The following TNS1 variants were observed in gnomAD, a reference collection of about 807,000 sequenced individuals.
TNS1 encodes the protein tensin 1, also known as tensin-1.
A neutral mutation model predicts 168.6 loss-of-function variants in TNS1; 62 were observed. That is an observed-to-expected ratio of 0.37 (90% CI 0.30 to 0.45). TNS1 has a LOEUF of 0.45. Among genes scored for constraint, TNS1 ranks in the 20% least tolerant of loss-of-function variants. The pLI, the probability that TNS1 is intolerant of heterozygous loss-of-function variation, is 1.00. For missense variants in TNS1, 2,240 were observed against 2,339.4 expected (o/e 0.96, Z 0.88); for synonymous variants, 934 against 933.2 (o/e 1.00, Z -0.02).
chr2:217,938,100 G>T (rs1956717612), intron 3 of TNS1, among the ~76,000 whole-genome samples: 1 of 152,180 alleles, frequency 6.6e-6, no homozygotes, highest in Non-Finnish European at 1.5e-5. Flanking sequence ...ATAGGGCCAG[G>T]CTGAGCTCAG....
upstream of TNS1, chr2:218,010,442 G>C (rs1019499041): frequency 5.4e-6 from 2 of 371,086 alleles, no homozygotes. Context: ...GAACCCCCAC[G>C]GGGCGCGGGC....
At position 217,817,913 on chromosome 2, in the gene TNS1, G is replaced by A; in HGVS notation, c.4419C>T (p.Ser1473=). The change falls in exon 24 of 33, where the codon TCC becomes TCT. Residue 1473 remains serine (S), a synonymous_variant. Transcript: ENST00000682258. ...YYPGLSSPAT[S]PSPDSAAFRQ... is the part of the protein sequence containing the mutation. Reference sequence around the variant, plus strand: ...GGAAGGCTGCGGAGTCTGGTGACGGGGAGGTGGCAGGGCTGCTCAGGCCAG... The same window carrying A: ...GGAAGGCTGCGGAGTCTGGTGACGGAGAGGTGGCAGGGCTGCTCAGGCCAG... The A allele has an allele frequency of 6.2e-7, 1 of 1,613,842 alleles. No individual in the cohort carries two copies. The highest frequency in any genetic ancestry group is 1.1e-5 in the South Asian group (1 of 91,006).
intron 3 of TNS1, among the ~76,000 whole-genome samples, chr2:217,927,381 G>T (rs566554326): frequency 6.6e-6 from 1 of 152,304 alleles, no homozygotes; most frequent in Non-Finnish European, 1.5e-5. Flanking sequence ...TTCTAGGCTT[G>T]ACCATAGGCA....
chr2:217,978,888 G>T (rs957947679), intron 2 of TNS1, 86 bp from the exon 3 acceptor site: 4 of 695,632 alleles, frequency 5.8e-6, no homozygotes, highest in Non-Finnish European at 1.1e-5. Context: ...ACCCCAGCCC[G>T]CAATCCGCGC....
At chr2:217,806,104 T>C (rs1320432669) in intron 32 of TNS1, among the ~76,000 whole-genome samples, 3 of 152,262 alleles carry the variant, frequency 2.0e-5, no homozygotes, top group Middle Eastern at 3.4e-3. Flanking sequence ...GGAGGAAGCA[T>C]GCCAGCCCTG....
chr2:218,029,543 G>A (rs773749202), intron 1 of TNS1, among the ~76,000 whole-genome samples: 23 of 152,246 alleles, frequency 1.5e-4, no homozygotes, highest in Non-Finnish European at 2.2e-4. Context: ...AATGGACAGC[G>A]TGTCTTCACA....
intron 19 of TNS1, among the ~76,000 whole-genome samples, chr2:217,842,909 C>A (rs1024377020): frequency 6.6e-6 from 1 of 152,140 alleles, no homozygotes; most frequent in Non-Finnish European, 1.5e-5. Flanking sequence ...CCAGCCACCC[C>A]CTACCTCTCA....
chr2:217,973,434 G>A (rs1239034697), intron 3 of TNS1, among the ~76,000 whole-genome samples: 1 of 151,632 alleles, frequency 6.6e-6, no homozygotes, highest in Non-Finnish European at 1.5e-5. Flanking sequence ...TCCTCAACAG[G>A]AGAGAAACAA....
chr2:217,903,750 C>A, intron 6 of TNS1: 1 of 744,428 alleles, frequency 1.3e-6, no homozygotes, highest in Non-Finnish European at 2.2e-6. Context: ...TCAGCCAACT[C>A]TTTTTGCCTT....
intron 16 of TNS1, 49 bp from the exon 17 acceptor site, chr2:217,882,460 G>T (rs1387024638): frequency 2.2e-6 from 3 of 1,371,460 alleles, no homozygotes; most frequent in Non-Finnish European, 3.0e-6. Context: ...TCCCAAAAAG[G>T]ATTCCATAAA....
At chr2:217,940,769 G>T (rs2125937128) in intron 3 of TNS1, among the ~76,000 whole-genome samples, 1 of 152,272 alleles carries the variant, frequency 6.6e-6, no homozygotes, top group Non-Finnish European at 1.5e-5. Flanking sequence ...CTGTGGAGGA[G>T]GCTGGCTGGT....
At chr2:217,815,037 T>C (rs367730266) in intron 24 of TNS1, 39 bp from the exon 25 acceptor site, 8 of 1,539,684 alleles carry the variant, frequency 5.2e-6, no homozygotes, top group African/African-American at 2.7e-5. Context: ...ATGGGTTAAA[T>C]TGTGTTCACC....
chr2:217,897,586 T>C (rs1952453507), intron 8 of TNS1, among the ~76,000 whole-genome samples: 1 of 152,178 alleles, frequency 6.6e-6, no homozygotes, highest in Non-Finnish European at 1.5e-5. Flanking sequence ...AGATGCTACA[T>C]TCCAGCTGCA....
intron 1 of TNS1, among the ~76,000 whole-genome samples, chr2:217,997,481 T>C (rs967721516): frequency 6.6e-6 from 1 of 152,228 alleles, no homozygotes; most frequent in Non-Finnish European, 1.5e-5. Context: ...ACAGGACAGA[T>C]GTTTTGCAGA....
Position 217,849,046 on chromosome 2 carries a change from A to G in TNS1, c.1471T>C (p.Tyr491His), listed in dbSNP as rs1345881312. Residue 491 changes from tyrosine (Y) to histidine (H), a missense_variant, in exon 19 of 33, where the codon TAT becomes CAT. Tyr to His is a moderately conservative substitution (Grantham distance 83). Transcript: ENST00000682258. ...HTQGPLDGSL[Y>H]AKVKKKDSLH... ...GAGTCTTTCTTCTTCACCTTAGCATACAGGCTCCCATCTAGTGGCCCCTGC... is the reference window on the plus strand; with the variant it reads ...GAGTCTTTCTTCTTCACCTTAGCATGCAGGCTCCCATCTAGTGGCCCCTGC... The G allele has an allele frequency of 6.2e-6, 10 of 1,613,262 alleles. No homozygotes were observed. The East Asian group carries it at 2.2e-4, about 36-fold the overall frequency.
In TNS1 at chr2:217,800,500, C is replaced by T. The variant is rs1256165126; in HGVS notation, c.*3959G>A. ...GTTCCATTGCCCAGCACCTCCAACC[C>T]CGACTCCCAAGTTCCCTAAAGAAAT... On this transcript the variant is annotated 3_prime_UTR_variant, in exon 33 of 33. Coordinates refer to ENST00000682258, the MANE Select transcript of TNS1 (RefSeq NM_001387777.1). The T allele has an allele frequency of 6.6e-6, 1 of 152,318 alleles. No homozygotes were observed. The highest frequency in any genetic ancestry group is 1.5e-5 in the Non-Finnish European group (1 of 68,114). The allele number at this position is 152,318 out of a possible 1,614,324, so 9.4% of individuals were successfully genotyped here. A position where few individuals can be genotyped will look rare whatever the true frequency, so the allele number is the denominator to read the frequency against.
At chr2:217,833,326 G>A (rs1944714844) in intron 21 of TNS1, among the ~76,000 whole-genome samples, 1 of 152,238 alleles carries the variant, frequency 6.6e-6, no homozygotes, top group Non-Finnish European at 1.5e-5. Flanking sequence ...CCCTTCTGCT[G>A]AGGCAGATGA....
rs111989532 is a variant in TNS1, at chr2:218,030,888, C to T, written c.156+2932G>A. Among the ~76,000 whole-genome samples the T allele has an allele frequency of 5.8e-3, 885 of 151,864 alleles. 4 individuals carry two copies. The highest frequency in any genetic ancestry group is 0.02 in the African/African-American group (825 of 41,442). ...GTGTGTGTGTGAGACTGTGTGTAAG[C>T]GTGTGTGTATGCATGTATGCGTGAG... On this transcript the variant is annotated intron_variant, in intron 1 of 1. Transcript: ENST00000649572.
At chr2:217,992,103 C>G (rs1032275692) in intron 1 of TNS1, among the ~76,000 whole-genome samples, 2 of 152,046 alleles carry the variant, frequency 1.3e-5, no homozygotes, top group African/African-American at 4.8e-5. Context: ...AGACACTGCC[C>G]ACCTTTTGGG....
Sources: gnomAD v4.1 joint callset for allele counts (sites outside exome capture counted in the v4.1 genomes callset) on GRCh38, gnomAD v4.1.1 for gene constraint, MANE v1.5 for transcripts, NCBI Gene and HGNC (gene_info 2026-07-23, HGNC 2026-07-21) for gene names.